PAG1: variants seen among roughly 807,000 people sequenced by gnomAD.
PAG1 encodes phosphoprotein associated with glycosphingolipid-enriched microdomains 1.
Under a neutral mutation model 31.7 loss-of-function variants are expected in PAG1, and 23 were observed. The ratio of observed to expected loss-of-function variants is 0.73; its 90% CI spans 0.52 to 1.03. PAG1 has a LOEUF of 1.03. Ranked by LOEUF, PAG1 falls within the 50% of genes least tolerant of loss-of-function variation. The probability of loss-of-function intolerance (pLI) is 0.00; values close to 1 mark genes in which losing one functional copy is unlikely to be tolerated. For synonymous variants in PAG1, 214 were observed against 210.3 expected (o/e 1.02, Z -0.15); for missense variants, 473 against 540.7 (o/e 0.87, Z 1.24).
intron 2 of PAG1, among the ~76,000 whole-genome samples, chr8:81,049,246 G>A (rs1007559732): frequency 6.6e-6 from 1 of 152,174 alleles, no homozygotes. Flanking sequence ...TGAATTTAAT[G>A]TGATATATGC....
At chr8:80,993,570 G>C (rs994519296) in intron 3 of PAG1, among the ~76,000 whole-genome samples, 1 of 150,688 alleles carries the variant, frequency 6.6e-6, no homozygotes, top group Non-Finnish European at 1.5e-5. Flanking sequence ...GTCTTATCTT[G>C]ATATGTTTGG....
chr8:81,077,348 C>G (rs187662483), intron 1 of PAG1, among the ~76,000 whole-genome samples: 87 of 152,322 alleles, frequency 5.7e-4, no homozygotes, highest in African/African-American at 2.1e-3. Context: ...TTGTTGCTCT[C>G]TATTCCAACC....
chr8:81,035,437 C>T lies in PAG1; in HGVS notation c.-174-5348G>A, dbSNP rs145300130. The stretch of plus-strand genomic sequence containing the variant: ...ATAGTCATCCTAGTGTTCACTGGGG[C>T]AATAACATCTCAACATGGGAGATTC... On this transcript the variant is annotated intron_variant, in intron 2 of 8. Transcript: ENST00000220597. 2.3e-3 allele frequency among the ~76,000 whole-genome samples: 346 copies of T among 152,184 alleles called. 4 individuals are homozygous for T. Among genetic ancestry groups the T allele is most frequent in the African/African-American group, 7.9e-3 (329 of 41,518 alleles).
intron 3 of PAG1, among the ~76,000 whole-genome samples, chr8:81,000,094 C>A (rs747177208): frequency 6.6e-6 from 1 of 152,170 alleles, no homozygotes. Context: ...TGGAATGTTT[C>A]AGACAGTGTG....
intron 1 of PAG1, among the ~76,000 whole-genome samples, chr8:81,086,353 T>C (rs1809356822): frequency 6.6e-6 from 1 of 152,184 alleles, no homozygotes; most frequent in African/African-American, 2.4e-5. Flanking sequence ...TTACTCTAAA[T>C]CAATTTATTA....
At chr8:81,055,100 G>A (rs866375793) in intron 2 of PAG1, among the ~76,000 whole-genome samples, 85 of 144,748 alleles carry the variant, frequency 5.9e-4, no homozygotes, top group African/African-American at 2.1e-3. Context: ...TGTTGACACA[G>A]GGTCTTGCTC....
At chr8:81,092,092 C>T (rs1022066074) in intron 1 of PAG1, among the ~76,000 whole-genome samples, 1 of 149,560 alleles carries the variant, frequency 6.7e-6, no homozygotes, top group African/African-American at 2.5e-5. Context: ...ATGGCTCACA[C>T]CTGTAACCCC....
chr8:81,033,187 T>C (rs191152810), intron 2 of PAG1, among the ~76,000 whole-genome samples: 69 of 152,286 alleles, frequency 4.5e-4, no homozygotes, highest in African/African-American at 1.6e-3. Context: ...ATGTTATAAG[T>C]AAGCATCAGT....
intron 3 of PAG1, among the ~76,000 whole-genome samples, chr8:81,016,800 G>A (rs973062338): frequency 2.6e-5 from 4 of 152,184 alleles, no homozygotes; most frequent in African/African-American, 9.7e-5. Context: ...CTTTGGCCAG[G>A]AAATGTGGCA....
chr8:81,047,005 C>G (rs1684879694), intron 2 of PAG1, among the ~76,000 whole-genome samples: 1 of 152,140 alleles, frequency 6.6e-6, no homozygotes, highest in African/African-American at 2.4e-5. Flanking sequence ...CCATCCCTGT[C>G]CCTGCAAAAG....
At chr8:81,026,292 G>A (rs1341491778) in intron 3 of PAG1, among the ~76,000 whole-genome samples, 2 of 151,584 alleles carry the variant, frequency 1.3e-5, no homozygotes. Flanking sequence ...AGGTTTCAGT[G>A]AGCGCAGATA....
At position 80,967,831 on chromosome 8, in the gene PAG1, T is replaced by C. The variant is rs1806993421; in HGVS notation, c.*8713A>G. ...AGCCTTTATGTAAAACTGACTTTTA[T>C]TACAATTAAAAAAGAACAAAGACAA... On this transcript the variant is annotated 3_prime_UTR_variant, in exon 9 of 9. Transcript: ENST00000220597. 1 of 151,990 alleles carries C rather than the reference T, an allele frequency of 6.6e-6. No homozygotes were observed. Among genetic ancestry groups the C allele is most frequent in the Non-Finnish European group, 1.5e-5 (1 of 68,048 alleles). The allele number at this position is 151,990 out of a possible 1,614,324, so 9.4% of individuals were successfully genotyped here.
intron 5 of PAG1, among the ~76,000 whole-genome samples, chr8:80,989,436 A>G (rs1030135907): frequency 2.6e-5 from 4 of 152,220 alleles, no homozygotes; most frequent in African/African-American, 7.2e-5. Context: ...CGCAAGTTGT[A>G]TAAGATCTAG....
intron 7 of PAG1, among the ~76,000 whole-genome samples, chr8:80,982,617 C>A (rs1012538357): frequency 2.0e-5 from 3 of 152,182 alleles, no homozygotes; most frequent in African/African-American, 7.2e-5. Flanking sequence ...GCTCATCAAT[C>A]CAGCTACCAT....
At chr8:81,040,206 A>C (rs553656494) in intron 2 of PAG1, among the ~76,000 whole-genome samples, 57 of 152,218 alleles carry the variant, frequency 3.7e-4, no homozygotes, top group Admixed American at 8.5e-4. Context: ...TTTAGTACTT[A>C]TGTATATTTC....
At chr8:80,978,125 T>C (rs1458802210) in intron 8 of PAG1, among the ~76,000 whole-genome samples, 1 of 152,160 alleles carries the variant, frequency 6.6e-6, no homozygotes, top group Non-Finnish European at 1.5e-5. Context: ...AACTGGTCAT[T>C]TGCATGAGAA....
chr8:81,092,789 T>C (rs1809468981), intron 1 of PAG1, among the ~76,000 whole-genome samples: 1 of 152,270 alleles, frequency 6.6e-6, no homozygotes, highest in Admixed American at 6.5e-5. Flanking sequence ...AATAAATCAC[T>C]TTTAATCCCT....
Position 80,976,436 on chromosome 8 carries a change from G to A in PAG1, c.*108C>T, listed in dbSNP as rs1161909385. 8 of 1,142,686 alleles carry A rather than the reference G, an allele frequency of 7.0e-6. No homozygotes were observed. The highest frequency in any genetic ancestry group is 1.2e-6 in the Non-Finnish European group (1 of 802,568). 70.8% of individuals were successfully genotyped at this position (1,142,686 alleles called of 1,614,324 possible). ...ACAGGGCCTCTCCAACCATCTTCAG[G>A]TGACTAAAGCAGCATATGAAGTATA... is the stretch of plus-strand genomic sequence containing the variant. On this transcript the variant is annotated 3_prime_UTR_variant, in exon 9 of 9. Coordinates refer to ENST00000220597, the MANE Select transcript of PAG1 (RefSeq NM_018440.4).
At chr8:80,979,341 C>T (rs1385823734) in intron 8 of PAG1, among the ~76,000 whole-genome samples, 2 of 152,128 alleles carry the variant, frequency 1.3e-5, no homozygotes, top group Non-Finnish European at 2.9e-5. Flanking sequence ...CAGGAGGGGA[C>T]TGCTCTGGCC....
Sources: gnomAD v4.1 joint callset for allele counts (sites outside exome capture counted in the v4.1 genomes callset) on GRCh38, gnomAD v4.1.1 for gene constraint, MANE v1.5 for transcripts, NCBI Gene and HGNC (gene_info 2026-07-23, HGNC 2026-07-21) for gene names.